GARRE1: variants seen among roughly 807,000 people sequenced by gnomAD.
GARRE1 encodes the protein granule associated Rac and RHOG effector protein 1.
A neutral mutation model predicts 103.2 loss-of-function variants in GARRE1; 49 were observed. The observed-to-expected ratio is 0.47, with a 90% CI of 0.38 to 0.60. The LOEUF is 0.60. GARRE1 is among the 20% of genes least tolerant of loss of function. The pLI is 0.00. For synonymous variants in GARRE1, 505 were observed against 532.8 expected (o/e 0.95, Z 0.72); for missense variants, 1,199 against 1,370.5 (o/e 0.87, Z 1.98).
chr19:34,305,391 C>T (rs1485744592), intron 2 of GARRE1, among the ~76,000 whole-genome samples: 1 of 152,202 alleles, frequency 6.6e-6, no homozygotes, highest in Non-Finnish European at 1.5e-5. Context: ...ACTTTGTCCT[C>T]TCCTAGAAAG....
intron 1 of GARRE1, among the ~76,000 whole-genome samples, chr19:34,257,646 A>C (rs1345687636): frequency 6.6e-6 from 1 of 152,152 alleles, no homozygotes; most frequent in African/African-American, 2.4e-5. Flanking sequence ...CTGAAGTGTA[A>C]GTTCACAGAG....
intron 2 of GARRE1, among the ~76,000 whole-genome samples, chr19:34,304,959 T>G (rs952099238): frequency 6.6e-6 from 1 of 151,666 alleles, no homozygotes; most frequent in Admixed American, 6.6e-5. Context: ...GCCCGGCTAA[T>G]TTTTTTGTAT....
intron 12 of GARRE1, among the ~76,000 whole-genome samples, chr19:34,350,366 T>G (rs1393171566): frequency 6.6e-6 from 1 of 151,970 alleles, no homozygotes; most frequent in Non-Finnish European, 1.5e-5. Context: ...GGGGGTGGAG[T>G]TTGAGACTTT....
intron 2 of GARRE1, among the ~76,000 whole-genome samples, chr19:34,319,410 A>C (rs2074074898): frequency 6.6e-6 from 1 of 152,194 alleles, no homozygotes; most frequent in Non-Finnish European, 1.5e-5. Context: ...CTATGTTAAT[A>C]ACTATGTTAA....
intron 2 of GARRE1, among the ~76,000 whole-genome samples, chr19:34,304,038 A>G (rs2073994402): frequency 1.3e-5 from 2 of 151,940 alleles, no homozygotes; most frequent in South Asian, 2.1e-4. Flanking sequence ...ACCTGCTGGT[A>G]TAAGTGTATA....
At chr19:34,293,001 A>G (rs2073926634) in intron 1 of GARRE1, among the ~76,000 whole-genome samples, 2 of 152,082 alleles carry the variant, frequency 1.3e-5, no homozygotes, top group African/African-American at 4.8e-5. Context: ...GAGCTACTGA[A>G]TTCGGCCCAT....
At chr19:34,301,513 CAAAAA>C (rs57777660) in intron 2 of GARRE1, among the ~76,000 whole-genome samples, 2 of 85,398 alleles carry the variant, frequency 2.3e-5, no homozygotes. Context: ...GACCATGTCT[CAAAAA>C]AAAAAAAAAA....
At chr19:34,288,535 G>C (rs970211886) in intron 1 of GARRE1, among the ~76,000 whole-genome samples, 1 of 152,150 alleles carries the variant, frequency 6.6e-6, no homozygotes, top group Non-Finnish European at 1.5e-5. Flanking sequence ...AGCTGTGGCC[G>C]ACTGTAGGGC....
chr19:34,271,461 GC>G (rs2073787344), intron 1 of GARRE1, among the ~76,000 whole-genome samples: 1 of 151,874 alleles, frequency 6.6e-6, no homozygotes, highest in South Asian at 2.1e-4. Context: ...TGTTGGCCAG[GC>G]TGGTCTCGAT....
intron 1 of GARRE1, chr19:34,296,273 TA>T (rs753896912): frequency 2.2e-4 from 153 of 680,520 alleles, no homozygotes; most frequent in Non-Finnish European, 3.6e-4. Flanking sequence ...TAGACAGAGA[TA>T]TCTACTCTGA....
At chr19:34,291,742 A>G (rs528612830) in intron 1 of GARRE1, among the ~76,000 whole-genome samples, 8 of 152,210 alleles carry the variant, frequency 5.3e-5, no homozygotes, top group Non-Finnish European at 7.3e-5. Context: ...TAAGTTTCCA[A>G]TACAAGAACT....
intron 1 of GARRE1, among the ~76,000 whole-genome samples, chr19:34,261,421 G>GTTC (rs1378036671): frequency 9.5e-4 from 145 of 152,266 alleles, no homozygotes; most frequent in African/African-American, 3.5e-3. Context: ...TTTGAGCTTA[G>GTTC]ATAGCCTAAA....
intron 1 of GARRE1, among the ~76,000 whole-genome samples, chr19:34,260,584 GGTTA>G (rs2073711437): frequency 6.6e-6 from 1 of 152,024 alleles, no homozygotes; most frequent in East Asian, 1.9e-4. Context: ...ACAATGTGCA[GGTTA>G]GTTACATATG....
intron 7 of GARRE1, among the ~76,000 whole-genome samples, chr19:34,333,455 T>TA (rs1383655515): frequency 6.6e-6 from 1 of 152,216 alleles, no homozygotes; most frequent in East Asian, 1.9e-4. Flanking sequence ...GAAAAAGTGC[T>TA]AGAGGTGCTT....
chr19:34,289,567 T>A, intron 1 of GARRE1, among the ~76,000 whole-genome samples: 1 of 151,604 alleles, frequency 6.6e-6, no homozygotes, highest in Non-Finnish European at 1.5e-5. Context: ...CCACTAAATA[T>A]ACAAAAATTA....
rs1365877895 is a variant in GARRE1, at chr19:34,344,490, C to T, written c.2521+2035C>T. On this transcript the variant is annotated intron_variant, in intron 10 of 13. Coordinates refer to ENST00000299505, the MANE Select transcript of GARRE1 (RefSeq NM_014686.5). Reference sequence around the variant, plus strand: ...CCTGTAGTCCCAGCTACTTGGGAGGCTGAGGCAGGAGAATGGCGTGAACCC... The same window carrying T: ...CCTGTAGTCCCAGCTACTTGGGAGGTTGAGGCAGGAGAATGGCGTGAACCC... 2.7e-5 allele frequency among the ~76,000 whole-genome samples: 4 copies of T among 149,580 alleles called. No homozygotes were observed. In the East Asian group the frequency reaches 8.2e-4, roughly 31 times the overall value.
At chr19:34,307,736 T>TTATATATACTATATATACATATATAGTA (rs2074016036) in intron 2 of GARRE1, among the ~76,000 whole-genome samples, 1 of 128,390 alleles carries the variant, frequency 7.8e-6, no homozygotes, top group African/African-American at 2.7e-5. Context: ...ACATATATAC[T>TTATATATACTATATATACATATATAGTA]TATATATACT....
In GARRE1 at chr19:34,341,779, C is replaced by A. The variant is rs780138159; in HGVS notation, c.1845C>A (p.Ala615=). ...CTCAGAATTCCAGTAATACAGTGGCCAATGGCTTTCTCATGGAGAGGCGTG... is the reference window on the plus strand; with the variant it reads ...CTCAGAATTCCAGTAATACAGTGGCAAATGGCTTTCTCATGGAGAGGCGTG... ...QSAQNSSNTV[A]NGFLMERREN... The change falls in exon 10 of 14, where the codon GCC becomes GCA. Residue 615 remains alanine (A), a synonymous_variant. Transcript: ENST00000299505. 6.2e-7 allele frequency: 1 copy of A among 1,614,168 alleles called. No homozygotes were observed. Among genetic ancestry groups the A allele is most frequent in the Admixed American group, 1.7e-5 (1 of 60,026 alleles).
intron 9 of GARRE1, 76 bp downstream of exon 9, chr19:34,340,068 C>G: frequency 6.8e-7 from 1 of 1,481,074 alleles, no homozygotes; most frequent in Non-Finnish European, 9.4e-7. Flanking sequence ...GTGCTTGTGT[C>G]ATTGATAGTA....
Sources: allele counts gnomAD v4.1 joint callset (sites outside exome capture counted in the v4.1 genomes callset), GRCh38; gene constraint gnomAD v4.1.1; transcripts MANE v1.5; gene names NCBI Gene and HGNC (gene_info 2026-07-23, HGNC 2026-07-21).